The following ERICH6B variants were observed in gnomAD, a reference collection of about 807,000 sequenced individuals.
ERICH6B encodes the protein glutamate-rich protein 6B.
A neutral mutation model predicts 80.0 loss-of-function variants in ERICH6B; 69 were observed. The observed-to-expected ratio is 0.86, with a 90% CI of 0.71 to 1.05. The LOEUF is 1.05. ERICH6B is among the 50% of genes least tolerant of loss of function. The probability of loss-of-function intolerance (pLI) is 0.00; values close to 1 mark genes in which losing one functional copy is unlikely to be tolerated. For synonymous variants in ERICH6B, 283 were observed against 291.9 expected, an observed-to-expected ratio of 0.97 and a Z score of 0.31; for missense variants, 754 against 796.1, an observed-to-expected ratio of 0.95 and a Z score of 0.64.
chr13:45,571,586 C>A (rs1326444287), intron 8 of ERICH6B, among the ~76,000 whole-genome samples: 1 of 152,174 alleles, frequency 6.6e-6, no homozygotes, highest in African/African-American at 2.4e-5. Context: ...GCTAAGGATT[C>A]TATTATGGTT....
At chr13:45,610,247 G>A (rs1949891806) in intron 1 of ERICH6B, among the ~76,000 whole-genome samples, 1 of 151,796 alleles carries the variant, frequency 6.6e-6, no homozygotes, top group South Asian at 2.1e-4. Context: ...GGCTCCACCT[G>A]GACCCGCCAA....
intron 13 of ERICH6B, among the ~76,000 whole-genome samples, chr13:45,546,280 G>C (rs938199967): frequency 6.6e-6 from 1 of 152,132 alleles, no homozygotes; most frequent in Non-Finnish European, 1.5e-5. Flanking sequence ...AAATCCCAAA[G>C]GGCAGTTCCT....
At chr13:45,611,209 C>T (rs894334545) in intron 1 of ERICH6B, among the ~76,000 whole-genome samples, 4 of 152,096 alleles carry the variant, frequency 2.6e-5, no homozygotes, top group Non-Finnish European at 4.4e-5. Flanking sequence ...TCCCATTGTC[C>T]AGCCCGATCA....
At chr13:45,552,019 G>T (rs905229252) in intron 11 of ERICH6B, among the ~76,000 whole-genome samples, 2 of 152,122 alleles carry the variant, frequency 1.3e-5, no homozygotes, top group African/African-American at 4.8e-5. Flanking sequence ...CTGTTTAGCT[G>T]TTTCCCATGA....
At position 45,543,510 on chromosome 13, in the gene ERICH6B, A is replaced by G. The variant is rs1366118506; in HGVS notation, c.1872+1250T>C. ...AAAAAAGACGAGGTTTGACACAGAC[A>G]CACAGAGAAGAAGGCTGTGTGAAGG... On this transcript the variant is annotated intron_variant, in intron 14 of 14. Transcript: ENST00000298738. 5.9e-5 allele frequency among the ~76,000 whole-genome samples: 9 copies of G among 152,312 alleles called. No individual in the cohort carries two copies. The East Asian group carries it at 7.7e-4, about 13-fold the overall frequency.
At chr13:45,576,452 A>G (rs902901808) in intron 7 of ERICH6B, among the ~76,000 whole-genome samples, 1 of 152,234 alleles carries the variant, frequency 6.6e-6, no homozygotes, top group African/African-American at 2.4e-5. Context: ...ATGACCAGGG[A>G]CATTTTAAAA....
intron 8 of ERICH6B, among the ~76,000 whole-genome samples, chr13:45,571,317 C>A (rs1392441325): frequency 2.0e-5 from 3 of 152,060 alleles, no homozygotes; most frequent in Non-Finnish European, 1.5e-5. Flanking sequence ...CATAGGGGTC[C>A]TATTTCTGTC....
intron 4 of ERICH6B, among the ~76,000 whole-genome samples, chr13:45,587,815 GTC>G (rs1875980635): frequency 6.6e-6 from 1 of 152,192 alleles, no homozygotes; most frequent in Admixed American, 6.5e-5. Flanking sequence ...TTTCTCAGGA[GTC>G]TCTGGCTTTT....
intron 11 of ERICH6B, among the ~76,000 whole-genome samples, chr13:45,561,094 G>A (rs942888): frequency 0.59 from 89,436 of 151,848 alleles, 27,891 homozygotes; most frequent in African/African-American, 0.78. Context: ...TCTGGCTGGG[G>A]CCTATATAAT....
In ERICH6B at chr13:45,563,723, C is replaced by T; in HGVS notation, c.1249+4G>A. 5.2e-6 allele frequency: 8 copies of T among 1,552,158 alleles called. No homozygotes were observed. Among genetic ancestry groups the T allele is most frequent in the Non-Finnish European group, 7.0e-6 (8 of 1,146,990 alleles). ...GTGGTGGAAAATGGTGGAGTGGTGC[C>T]TACCTTCACGTCTCCTCTTAATCCG... On this transcript the variant is annotated splice_donor_region_variant and intron_variant, in intron 10 of 14. Transcript: ENST00000298738.
intron 5 of ERICH6B, among the ~76,000 whole-genome samples, chr13:45,582,388 C>T (rs551469573): frequency 5.2e-4 from 79 of 152,320 alleles, no homozygotes; most frequent in African/African-American, 1.8e-3. Flanking sequence ...AAGAAAGCAT[C>T]TAACAACAAA....
rs1456232815 is a variant in ERICH6B, at chr13:45,546,934, T to TTGTCTTGGGACCCCAGCC, written c.1647-1967_1647-1950dup. Among the ~76,000 whole-genome samples, 10 of 152,316 alleles carry TTGTCTTGGGACCCCAGCC rather than the reference T, an allele frequency of 6.6e-5. No individual in the cohort carries two copies. The East Asian group carries it at 1.9e-3, about 29-fold the overall frequency. On this transcript the variant is annotated intron_variant, in intron 13 of 14. Transcript: ENST00000298738. The stretch of plus-strand genomic sequence containing the variant: ...ACAAAGAGCAAACTTCTAAGGTCCT[T>TTGTCTTGGGACCCCAGCC]TGTCTTGGGACCCCAGCCTGTCCAA...
At chr13:45,574,435 TGATTGGGAACAGCTGGG>T (rs1206788385) in intron 8 of ERICH6B, among the ~76,000 whole-genome samples, 3 of 152,286 alleles carry the variant, frequency 2.0e-5, no homozygotes, top group Non-Finnish European at 4.4e-5. Flanking sequence ...TCCCCTCTGG[TGATTGGGAACAGCTGGG>T]GAGAGCACCC....
At chr13:45,561,275 T>C (rs1728744266) in intron 11 of ERICH6B, 94 bp downstream of exon 11, 2 of 1,272,076 alleles carry the variant, frequency 1.6e-6, no homozygotes, top group Non-Finnish European at 2.1e-6. Context: ...TTGTGTGTTG[T>C]TCCTTACAGC....
intron 11 of ERICH6B, among the ~76,000 whole-genome samples, chr13:45,556,845 A>G (rs111449383): frequency 0.078 from 11,908 of 152,042 alleles, 530 homozygotes; most frequent in East Asian, 0.11. Context: ...GTTGAAGGGC[A>G]TTTGGGTTGG....
In ERICH6B at chr13:45,613,255, C is replaced by T. The variant is rs553428586; in HGVS notation, c.-111+2430G>A. Among the ~76,000 whole-genome samples, 180 of 152,220 alleles carry T rather than the reference C, an allele frequency of 1.2e-3. 1 individual carries two copies. Among genetic ancestry groups the T allele is most frequent in the African/African-American group, 4.0e-3 (168 of 41,500 alleles). ...TTGTGGACCAGCTTCCTAATAGTAC[C>T]TGGGAACTGTACCTGAATCTCTCCT... On this transcript the variant is annotated intron_variant, in intron 1 of 14. Transcript: ENST00000298738.
At chr13:45,566,580 A>G (rs999228382) in intron 9 of ERICH6B, among the ~76,000 whole-genome samples, 12 of 152,186 alleles carry the variant, frequency 7.9e-5, no homozygotes, top group African/African-American at 2.7e-4. Flanking sequence ...GAGGGTGTAA[A>G]CCCCAAGCCT....
intron 1 of ERICH6B, among the ~76,000 whole-genome samples, chr13:45,610,558 C>T (rs1314305908): frequency 6.6e-6 from 1 of 152,172 alleles, no homozygotes; most frequent in Non-Finnish European, 1.5e-5. Context: ...TCAGGAAGAA[C>T]CTGTCAGGTG....
intron 9 of ERICH6B, 50 bp from the exon 10 acceptor site, chr13:45,563,838 A>T (rs1465928840): frequency 4.2e-6 from 6 of 1,419,756 alleles, no homozygotes; most frequent in Non-Finnish European, 3.9e-6. Context: ...GTTCACGCAT[A>T]CATGCCATCA....
Sources: gnomAD v4.1 joint callset for allele counts (sites outside exome capture counted in the v4.1 genomes callset) on GRCh38, gnomAD v4.1.1 for gene constraint, MANE v1.5 for transcripts, NCBI Gene and HGNC (gene_info 2026-07-23, HGNC 2026-07-21) for gene names.